Variants in ADGRL3 observed in about 807,000 individuals in gnomAD.
The protein encoded by ADGRL3 is adhesion G protein-coupled receptor L3.
ADGRL3 carries 62 observed loss-of-function variants against 153.5 expected under a neutral mutation model. The observed-to-expected ratio is 0.40, with a 90% CI of 0.33 to 0.50. ADGRL3 has a LOEUF of 0.50. Ranked by LOEUF, ADGRL3 falls within the 20% of genes least tolerant of loss-of-function variation. The pLI is 0.47. For missense variants in ADGRL3, 1,641 were observed against 1,859.4 expected, an observed-to-expected ratio of 0.88 and a Z score of 2.16; for synonymous variants, 710 against 672.5, an observed-to-expected ratio of 1.06 and a Z score of -0.86.
At chr4:61,794,713 G>A (rs965680207) in intron 8 of ADGRL3, among the ~76,000 whole-genome samples, 2 of 152,138 alleles carry the variant, frequency 1.3e-5, no homozygotes, top group African/African-American at 4.8e-5. Flanking sequence ...AATGTACTTG[G>A]TGATGATTGA....
chr4:61,703,053 A>T (rs2095796602), intron 6 of ADGRL3, among the ~76,000 whole-genome samples: 1 of 152,076 alleles, frequency 6.6e-6, no homozygotes, highest in Non-Finnish European at 1.5e-5. Context: ...ATTTTGACAC[A>T]AGGTATTTCT....
intron 8 of ADGRL3, among the ~76,000 whole-genome samples, chr4:61,756,189 A>C (rs993793656): frequency 6.6e-6 from 1 of 152,150 alleles, no homozygotes; most frequent in Non-Finnish European, 1.5e-5. Context: ...GATGGCGTTG[A>C]ATCTATAAAT....
chr4:61,416,137 G>A (rs371820432), intron 2 of ADGRL3, among the ~76,000 whole-genome samples: 126 of 151,922 alleles, frequency 8.3e-4, no homozygotes, highest in African/African-American at 2.8e-3. Flanking sequence ...CTGATATCTA[G>A]ATTAGGTAAA....
intron 21 of ADGRL3, among the ~76,000 whole-genome samples, chr4:62,004,690 G>A (rs1488776281): frequency 1.3e-5 from 2 of 151,866 alleles, no homozygotes; most frequent in Non-Finnish European, 2.9e-5. Context: ...AGATTATTAG[G>A]TCAACATGCT....
At chr4:61,221,067 A>C (rs1745242638) in intron 1 of ADGRL3, among the ~76,000 whole-genome samples, 1 of 152,316 alleles carries the variant, frequency 6.6e-6, no homozygotes, top group South Asian at 2.1e-4. Context: ...ATTTAAGAAA[A>C]CAGTGTCACT....
chr4:61,307,179 T>C (rs955140656), intron 1 of ADGRL3, among the ~76,000 whole-genome samples: 1 of 152,118 alleles, frequency 6.6e-6, no homozygotes, highest in Admixed American at 6.6e-5. Context: ...CAGACCACAG[T>C]TTTCCCGATT....
intron 2 of ADGRL3, among the ~76,000 whole-genome samples, chr4:61,486,135 G>A (rs541375809): frequency 1.1e-3 from 164 of 152,040 alleles, no homozygotes; most frequent in Non-Finnish European, 1.9e-3. Context: ...TAGTAGAGAC[G>A]GAGTTTCACT....
intron 1 of ADGRL3, among the ~76,000 whole-genome samples, chr4:61,250,712 A>G (rs1309636398): frequency 6.6e-6 from 1 of 152,156 alleles, no homozygotes; most frequent in Non-Finnish European, 1.5e-5. Context: ...TTTTTATCTC[A>G]AATGAGCTGT....
Position 61,839,784 on chromosome 4 carries a change from C to T in ADGRL3, c.1480+25895C>T, listed in dbSNP as rs532771936. 4.7e-5 allele frequency among the ~76,000 whole-genome samples: 7 copies of T among 148,604 alleles called. No individual in the cohort carries two copies. The East Asian group carries it at 8.3e-4, about 18-fold the overall frequency. On this transcript the variant is annotated intron_variant, in intron 9 of 26. Coordinates refer to ENST00000683033, the MANE Select transcript of ADGRL3 (RefSeq NM_001387552.1). ...CCCTGTCTCTGCCCACCCCTCCCCC[C>T]GAAAAAAAAAATTAAATTTGCTGTA... is the stretch of plus-strand genomic sequence containing the variant.
At chr4:61,360,713 C>T (rs528218453) in intron 1 of ADGRL3, among the ~76,000 whole-genome samples, 8 of 152,168 alleles carry the variant, frequency 5.3e-5, no homozygotes, top group East Asian at 3.9e-4. Context: ...TAGCACATAA[C>T]GAAGGCTAAA....
intron 4 of ADGRL3, among the ~76,000 whole-genome samples, chr4:61,550,447 A>G (rs2098734927): frequency 1.3e-5 from 2 of 151,994 alleles, no homozygotes; most frequent in Admixed American, 1.3e-4. Flanking sequence ...GCTATGCCTT[A>G]TTTCTACCTT....
At chr4:61,319,806 TTCTG>T (rs1490503540) in intron 1 of ADGRL3, among the ~76,000 whole-genome samples, 1 of 152,210 alleles carries the variant, frequency 6.6e-6, no homozygotes, top group Non-Finnish European at 1.5e-5. Context: ...GGTAAGGTGC[TTCTG>T]TCTAATTCTC....
chr4:61,566,561 A>G (rs1333604815), intron 4 of ADGRL3, among the ~76,000 whole-genome samples: 1 of 152,160 alleles, frequency 6.6e-6, no homozygotes, highest in African/African-American at 2.4e-5. Context: ...TAAAATATCA[A>G]CCTTTTCGTG....
At chr4:61,714,901 G>T (rs2096075347) in intron 6 of ADGRL3, among the ~76,000 whole-genome samples, 1 of 152,070 alleles carries the variant, frequency 6.6e-6, no homozygotes, top group South Asian at 2.1e-4. Context: ...CTTTTTAGGG[G>T]ATCCCAAACT....
In ADGRL3 at chr4:61,805,637, A is replaced by G. The variant is rs1381447086; in HGVS notation, c.1400-8172A>G. Among the ~76,000 whole-genome samples, 5 of 152,184 alleles carry G rather than the reference A, an allele frequency of 3.3e-5. No homozygotes were observed. The East Asian group carries it at 9.6e-4, about 29-fold the overall frequency. On this transcript the variant is annotated intron_variant, in intron 8 of 26. Transcript: ENST00000683033. ...CAACATTTTCAGTTCTGTTAAATAG[A>G]TGGATAATAGAAATATGGTGCCAAT...
intron 17 of ADGRL3, among the ~76,000 whole-genome samples, chr4:61,963,695 G>T (rs1306095325): frequency 6.6e-6 from 1 of 152,104 alleles, no homozygotes; most frequent in Non-Finnish European, 1.5e-5. Context: ...CCATGTATTT[G>T]CTATTATGAA....
chr4:61,514,686 C>T (rs1198293928), intron 3 of ADGRL3, among the ~76,000 whole-genome samples: 1 of 152,020 alleles, frequency 6.6e-6, no homozygotes, highest in Non-Finnish European at 1.5e-5. Flanking sequence ...TTTCATAGAA[C>T]ACATCAGTCT....
intron 6 of ADGRL3, among the ~76,000 whole-genome samples, chr4:61,683,229 C>T (rs1323827014): frequency 2.6e-5 from 4 of 151,986 alleles, no homozygotes; most frequent in Non-Finnish European, 4.4e-5. Flanking sequence ...CCTCCAACCT[C>T]AGCCTCCAGA....
chr4:61,277,506 G>A (rs1283436747), intron 1 of ADGRL3, among the ~76,000 whole-genome samples: 3 of 151,562 alleles, frequency 2.0e-5, no homozygotes, highest in Non-Finnish European at 1.5e-5. Context: ...TTTGGTCAAG[G>A]TTTAAATAAA....
Sources: gnomAD v4.1 joint callset for allele counts (sites outside exome capture counted in the v4.1 genomes callset) on GRCh38, gnomAD v4.1.1 for gene constraint, MANE v1.5 for transcripts, NCBI Gene and HGNC (gene_info 2026-07-23, HGNC 2026-07-21) for gene names.